SIGLEC15: variants seen among roughly 807,000 people sequenced by gnomAD.
The protein encoded by SIGLEC15 is sialic acid binding Ig like lectin 15.
Under a neutral mutation model 26.2 loss-of-function variants are expected in SIGLEC15, and 31 were observed. The ratio of observed to expected loss-of-function variants is 1.18; its 90% CI spans 0.89 to 1.60. The LOEUF (loss-of-function observed/expected upper bound fraction) is 1.60, where lower values mean the gene tolerates loss of function less well. SIGLEC15 is among the 40% of genes most tolerant of loss of function. SIGLEC15 has a pLI of 0.00. For missense variants in SIGLEC15, 501 were observed against 488.4 expected (o/e 1.03, Z -0.24); for synonymous variants, 207 against 221.9 (o/e 0.93, Z 0.60).
At chr18:45,828,486 C>T (rs1599386363) in intron 1 of SIGLEC15, among the ~76,000 whole-genome samples, 1 of 152,134 alleles carries the variant, frequency 6.6e-6, no homozygotes, top group African/African-American at 2.4e-5. Flanking sequence ...GAGCTCCAAC[C>T]ACCCGAGTGA....
chr18:45,828,049 G>A (rs1352424821), intron 1 of SIGLEC15, among the ~76,000 whole-genome samples: 3 of 152,122 alleles, frequency 2.0e-5, no homozygotes, highest in East Asian at 1.9e-4. Context: ...ACTTCCTGAC[G>A]CTCTTCTGGC....
intron 1 of SIGLEC15, among the ~76,000 whole-genome samples, chr18:45,836,229 C>T (rs546893272): frequency 5.8e-4 from 89 of 152,284 alleles, no homozygotes; most frequent in Admixed American, 1.2e-3. Flanking sequence ...ACCTGTGTGA[C>T]TCTGAGCCTT....
At chr18:45,840,299 CA>C (rs2048314626) in intron 5 of SIGLEC15, 58 bp downstream of exon 5, 1 of 1,553,322 alleles carries the variant, frequency 6.4e-7, no homozygotes, top group South Asian at 1.2e-5. Flanking sequence ...CCTCATCACC[CA>C]GGGGGTCCAG....
At chr18:45,830,393 T>C (rs1304800517) in intron 1 of SIGLEC15, among the ~76,000 whole-genome samples, 2 of 152,252 alleles carry the variant, frequency 1.3e-5, no homozygotes, top group East Asian at 3.9e-4. Flanking sequence ...ATTGCAATGA[T>C]GTGAGAGCTA....
At chr18:45,827,854 G>A (rs2048198511) in intron 1 of SIGLEC15, among the ~76,000 whole-genome samples, 1 of 152,192 alleles carries the variant, frequency 6.6e-6, no homozygotes, top group African/African-American at 2.4e-5. Flanking sequence ...AAGACACAAA[G>A]GATTTAGAGG....
intron 2 of SIGLEC15, among the ~76,000 whole-genome samples, 175 bp from the exon 3 acceptor site, chr18:45,837,335 CCCT>C (rs1342260311): frequency 2.0e-5 from 3 of 152,192 alleles, no homozygotes; most frequent in African/African-American, 7.2e-5. Context: ...CAGGAATTGC[CCCT>C]CAAGTCACAA....
chr18:45,841,301 G>A (rs2145083492), intron 5 of SIGLEC15, among the ~76,000 whole-genome samples: 1 of 152,252 alleles, frequency 6.6e-6, no homozygotes, highest in Admixed American at 6.5e-5. Context: ...CTAGAGTGTG[G>A]ACGTAAGACA....
chr18:45,825,881 G>C, intron 1 of SIGLEC15, 101 bp downstream of exon 1: 1 of 1,415,848 alleles, frequency 7.1e-7, no homozygotes. Flanking sequence ...CAGGTGTGCA[G>C]AGCCTCCAGG....
At chr18:45,827,247 C>G (rs1232359786) in intron 1 of SIGLEC15, among the ~76,000 whole-genome samples, 1 of 152,180 alleles carries the variant, frequency 6.6e-6, no homozygotes, top group South Asian at 2.1e-4. Flanking sequence ...GAAACATTCT[C>G]TTTTCACAGA....
At chr18:45,839,913 G>A (rs549739262) in intron 4 of SIGLEC15, among the ~76,000 whole-genome samples, 4 of 152,242 alleles carry the variant, frequency 2.6e-5, no homozygotes, top group Admixed American at 6.5e-5. Flanking sequence ...CAGTGGCCCT[G>A]GCTGCTGCTG....
At chr18:45,832,213 G>C (rs1410848765) in intron 1 of SIGLEC15, among the ~76,000 whole-genome samples, 3 of 152,210 alleles carry the variant, frequency 2.0e-5, no homozygotes, top group Non-Finnish European at 4.4e-5. Context: ...TATGTGGAAG[G>C]TACTATGTTC....
intron 1 of SIGLEC15, among the ~76,000 whole-genome samples, chr18:45,826,068 ACAATAGGC>A (rs1306563268): frequency 6.6e-6 from 1 of 152,164 alleles, no homozygotes; most frequent in Non-Finnish European, 1.5e-5. Context: ...CATCCAGAGG[ACAATAGGC>A]CAGGTACAGA....
At chr18:45,827,715 A>C (rs888491196) in intron 1 of SIGLEC15, among the ~76,000 whole-genome samples, 2 of 152,220 alleles carry the variant, frequency 1.3e-5, no homozygotes, top group Admixed American at 6.5e-5. Context: ...CAGTGGCCGC[A>C]CGATAAATAA....
intron 1 of SIGLEC15, among the ~76,000 whole-genome samples, chr18:45,827,349 C>T (rs1257023345): frequency 1.3e-5 from 2 of 152,182 alleles, no homozygotes; most frequent in Admixed American, 6.5e-5. Context: ...CTGGGCCCCC[C>T]CACTACCCCA....
At chr18:45,833,891 T>C (rs925562751) in intron 1 of SIGLEC15, among the ~76,000 whole-genome samples, 2 of 151,792 alleles carry the variant, frequency 1.3e-5, no homozygotes, top group Admixed American at 1.3e-4. Flanking sequence ...GGTGAACAAA[T>C]TAACCAAGAT....
At chr18:45,839,259 C>A (rs890107820) in intron 4 of SIGLEC15, among the ~76,000 whole-genome samples, 164 bp downstream of exon 4, 7 of 152,204 alleles carry the variant, frequency 4.6e-5, no homozygotes, top group Non-Finnish European at 8.8e-5. Flanking sequence ...GCAGGTGTAA[C>A]CAGCACGAAA....
At chr18:45,831,623 C>A (rs1468323266) in intron 1 of SIGLEC15, among the ~76,000 whole-genome samples, 2 of 152,112 alleles carry the variant, frequency 1.3e-5, no homozygotes, top group African/African-American at 4.8e-5. Context: ...TGAGTGAATA[C>A]ATGAATGAAT....
At chr18:45,827,287 C>A (rs879433341) in intron 1 of SIGLEC15, among the ~76,000 whole-genome samples, 11 of 152,140 alleles carry the variant, frequency 7.2e-5, no homozygotes, top group African/African-American at 9.7e-5. Context: ...AGGGGCTCAA[C>A]AAGTGGCAGG....
In SIGLEC15 at chr18:45,836,970, A is replaced by G. The variant is rs1483501985; in HGVS notation, c.53-59A>G. ...CTGGCAGTGTGACTTCAGTTACTCA[A>G]CTTCTCTGAGCCTCAGTTTATTCAC... On this transcript the variant is annotated intron_variant, in intron 1 of 5. Coordinates refer to ENST00000389474, the MANE Select transcript of SIGLEC15 (RefSeq NM_213602.3). 4 of 921,790 alleles carry G rather than the reference A, an allele frequency of 4.3e-6. No individual in the cohort carries two copies. In the African/African-American group the frequency reaches 6.5e-5, roughly 15 times the overall value. The allele number at this position is 921,790 out of a possible 1,614,324, so 57.1% of individuals were successfully genotyped here.
Sources: gnomAD v4.1 joint callset for allele counts (sites outside exome capture counted in the v4.1 genomes callset) on GRCh38, gnomAD v4.1.1 for gene constraint, MANE v1.5 for transcripts, NCBI Gene and HGNC (gene_info 2026-07-23, HGNC 2026-07-21) for gene names.